CNTNAP2: variants seen among roughly 807,000 people sequenced by gnomAD.
CNTNAP2 encodes contactin-associated protein-like 2.
A neutral mutation model predicts 155.2 loss-of-function variants in CNTNAP2; 98 were observed. That is an observed-to-expected ratio of 0.63 (90% confidence interval 0.54 to 0.75). CNTNAP2 has a LOEUF of 0.75. Among genes scored for constraint, CNTNAP2 ranks in the 30% least tolerant of loss-of-function variants. The pLI, the probability that CNTNAP2 is intolerant of heterozygous loss-of-function variation, is 0.00. For synonymous variants in CNTNAP2, 651 were observed against 631.2 expected, an observed-to-expected ratio of 1.03 and a Z score of -0.47; for missense variants, 1,727 against 1,688.1, an observed-to-expected ratio of 1.02 and a Z score of -0.40.
At chr7:146,498,128 G>A (rs779531886) in intron 1 of CNTNAP2, among the ~76,000 whole-genome samples, 1 of 152,102 alleles carries the variant, frequency 6.6e-6, no homozygotes, top group Non-Finnish European at 1.5e-5. Flanking sequence ...ATCTGGAGAT[G>A]ATCTTGGAGA....
intron 11 of CNTNAP2, among the ~76,000 whole-genome samples, chr7:147,499,901 G>T (rs534076831): frequency 6.6e-6 from 1 of 152,184 alleles, no homozygotes; most frequent in Non-Finnish European, 1.5e-5. Context: ...TGGACAAATA[G>T]AGGGCTTTAT....
At position 147,951,654 on chromosome 7, in the gene CNTNAP2, G is replaced by T. The variant is rs113806779; in HGVS notation, c.2256-26208G>T. ...ATAAAGTCAGAGCTAGACCTTGGGT[G>T]GGGGGAAGAGCAATTCAAAAATTTA... On this transcript the variant is annotated intron_variant, in intron 14 of 23. Coordinates refer to ENST00000361727, the MANE Select transcript of CNTNAP2 (RefSeq NM_014141.6). Among the ~76,000 whole-genome samples, 1,047 of 152,062 alleles carry T rather than the reference G, an allele frequency of 6.9e-3. 14 individuals are homozygous for T. The highest frequency in any genetic ancestry group is 0.024 in the African/African-American group (1,009 of 41,482).
chr7:146,143,162 A>G (rs73739303), intron 1 of CNTNAP2, among the ~76,000 whole-genome samples: 2,894 of 152,324 alleles, frequency 0.019, 77 homozygotes, highest in African/African-American at 0.06. Context: ...CACCTCCTAA[A>G]GAATGACTTC....
chr7:147,179,432 C>T (rs1802412581), intron 8 of CNTNAP2, among the ~76,000 whole-genome samples: 1 of 152,032 alleles, frequency 6.6e-6, no homozygotes, highest in African/African-American at 2.4e-5. Context: ...GAAGAAAACT[C>T]CAGACAAAGA....
chr7:146,491,259 C>T (rs1797135136), intron 1 of CNTNAP2, among the ~76,000 whole-genome samples: 1 of 152,004 alleles, frequency 6.6e-6, no homozygotes, highest in Admixed American at 6.6e-5. Flanking sequence ...TCTTGTATTG[C>T]CCCTTTTATC....
At chr7:148,299,955 T>C (rs779722334) in intron 21 of CNTNAP2, among the ~76,000 whole-genome samples, 2 of 152,188 alleles carry the variant, frequency 1.3e-5, no homozygotes, top group Non-Finnish European at 2.9e-5. Flanking sequence ...TATAGGCTTG[T>C]GTAAGGAGGT....
chr7:146,533,617 T>C (rs1797802928), intron 1 of CNTNAP2, among the ~76,000 whole-genome samples: 1 of 152,148 alleles, frequency 6.6e-6, no homozygotes, highest in African/African-American at 2.4e-5. Flanking sequence ...TGGTTCTTCA[T>C]ATTCACTCTT....
chr7:146,958,635 G>A (rs1261797755), intron 3 of CNTNAP2, among the ~76,000 whole-genome samples: 3 of 151,780 alleles, frequency 2.0e-5, no homozygotes, highest in Non-Finnish European at 2.9e-5. Context: ...GGATGGTGTC[G>A]ATCTCCTGAC....
chr7:147,417,687 T>C (rs1797219073), intron 10 of CNTNAP2, among the ~76,000 whole-genome samples: 1 of 152,236 alleles, frequency 6.6e-6, no homozygotes, highest in Non-Finnish European at 1.5e-5. Context: ...GGAACCCGTA[T>C]CTGATGATGG....
intron 1 of CNTNAP2, among the ~76,000 whole-genome samples, chr7:146,491,102 AC>A (rs1321133551): frequency 6.6e-6 from 1 of 152,160 alleles, no homozygotes; most frequent in Non-Finnish European, 1.5e-5. Context: ...CCCAAAAAAA[AC>A]AAAACAACAA....
At chr7:147,517,220 C>T (rs1198440959) in intron 11 of CNTNAP2, among the ~76,000 whole-genome samples, 2 of 152,094 alleles carry the variant, frequency 1.3e-5, no homozygotes, top group South Asian at 2.1e-4. Context: ...CTGAGATATT[C>T]AAGAGGAAAA....
intron 9 of CNTNAP2, among the ~76,000 whole-genome samples, chr7:147,338,785 A>T (rs1298347894): frequency 6.6e-6 from 1 of 152,086 alleles, no homozygotes. Flanking sequence ...TGCCAACACA[A>T]ATATTTGCTA....
intron 8 of CNTNAP2, chr7:147,161,925 G>C (rs148343348): frequency 1.9e-3 from 285 of 152,170 alleles, no homozygotes; most frequent in African/African-American, 6.6e-3. Context: ...GCACAGAAAG[G>C]GTGGATATTT....
At chr7:146,174,774 C>T (rs1370225365) in intron 1 of CNTNAP2, among the ~76,000 whole-genome samples, 2 of 151,936 alleles carry the variant, frequency 1.3e-5, no homozygotes, top group Non-Finnish European at 2.9e-5. Context: ...ACCTGGGAGG[C>T]GGAGGTTGCA....
At chr7:147,141,661 T>C (rs1394631768) in intron 8 of CNTNAP2, among the ~76,000 whole-genome samples, 1 of 152,074 alleles carries the variant, frequency 6.6e-6, no homozygotes, top group African/African-American at 2.4e-5. Context: ...GTCACTAACC[T>C]TGGCCACTAC....
intron 1 of CNTNAP2, among the ~76,000 whole-genome samples, chr7:146,270,312 C>T (rs912306669): frequency 8.5e-5 from 13 of 152,246 alleles, no homozygotes; most frequent in African/African-American, 2.2e-4. Context: ...CAGTGCTCAA[C>T]GTATGGCAGA....
chr7:148,038,670 G>A (rs567971116), intron 15 of CNTNAP2, among the ~76,000 whole-genome samples: 2 of 152,214 alleles, frequency 1.3e-5, no homozygotes, highest in East Asian at 3.9e-4. Flanking sequence ...TTCTTTAATT[G>A]GATTTATGTA....
At chr7:146,230,197 C>G (rs940734176) in intron 1 of CNTNAP2, among the ~76,000 whole-genome samples, 1 of 152,178 alleles carries the variant, frequency 6.6e-6, no homozygotes, top group East Asian at 1.9e-4. Flanking sequence ...TAGGTAGGGA[C>G]ATTGTAGGAC....
Position 146,441,485 on chromosome 7 carries a change from G to A in CNTNAP2, c.97+324512G>A, listed in dbSNP as rs138565144. Among the ~76,000 whole-genome samples the A allele has an allele frequency of 3.3e-5, 5 of 151,442 alleles. No individual in the cohort carries two copies. The East Asian group carries it at 9.6e-4, about 29-fold the overall frequency. ...CCACCTGTTCCTTTCATTTAAAGTG[G>A]CCCTCTCTGCTGCTGATTACATGCA... On this transcript the variant is annotated intron_variant, in intron 1 of 23. Transcript: ENST00000361727.
Sources: gnomAD v4.1 joint callset for allele counts (sites outside exome capture counted in the v4.1 genomes callset) on GRCh38, gnomAD v4.1.1 for gene constraint, MANE v1.5 for transcripts, NCBI Gene and HGNC (gene_info 2026-07-23, HGNC 2026-07-21) for gene names.